OR9A4: variants seen among roughly 807,000 people sequenced by gnomAD.
OR9A4 encodes the protein olfactory receptor family 9 subfamily A member 4, also known as olfactory receptor 9A4.
In OR9A4, 16 loss-of-function variants were observed where a neutral mutation model predicts 17.1. The observed-to-expected ratio is 0.94, with a 90% confidence interval of 0.64 to 1.43. The LOEUF is 1.43. Ranked by LOEUF, OR9A4 falls within the 40% of genes most tolerant of loss-of-function variation. The pLI is 0.00. For missense variants in OR9A4, 392 were observed against 382.1 expected (o/e 1.03, Z -0.22); for synonymous variants, 167 against 143.3 (o/e 1.17, Z -1.18).
At position 141,916,415 on chromosome 7, in the gene OR9A4, G is replaced by C. The variant is rs1802187763; in HGVS notation, c.-252G>C. On this transcript the variant is annotated 5_prime_UTR_variant, in exon 1 of 2. Coordinates refer to ENST00000641559, the MANE Select transcript of OR9A4 (RefSeq NM_001001656.3). ...TAAGGGAGTGAGAGAAGGAAGCAAA[G>C]AGAAGGAGAGAGATAGAGACAGTTG... 6.6e-6 allele frequency: 1 copy of C among 152,282 alleles called. No homozygotes were observed. 9.4% of individuals were successfully genotyped at this position (152,282 alleles called of 1,614,324 possible). A position where few individuals can be genotyped will look rare whatever the true frequency, so the allele number is the denominator to read the frequency against.
intron 1 of OR9A4, among the ~76,000 whole-genome samples, chr7:141,918,262 A>G (rs569954200): frequency 3.9e-5 from 6 of 152,274 alleles, no homozygotes; most frequent in Non-Finnish European, 7.3e-5. Flanking sequence ...GCGCACCAAC[A>G]TGCCCAGCTA....
In OR9A4 at chr7:141,919,640, C is replaced by T. The variant is rs782111706; in HGVS notation, c.765C>T (p.Cys255=). 6.2e-7 allele frequency: 1 copy of T among 1,614,166 alleles called. No individual in the cohort carries two copies. Among genetic ancestry groups the T allele is most frequent in the Non-Finnish European group, 8.5e-7 (1 of 1,180,044 alleles). Residue 255 remains cysteine (C), a synonymous_variant, in exon 2 of 2, where the codon TGC becomes TGT. Transcript: ENST00000641559. ...GTGTTGTGATTGGCTACGGCAGCTG[C>T]TTGTTTCTCTACGTGAAACCCAAGC... ...FTCVVIGYGS[C]LFLYVKPKQT...
chr7:141,919,716 G>T lies in OR9A4; in HGVS notation c.841G>T (p.Val281Leu), dbSNP rs1331826875. 3 of 1,614,182 alleles carry T rather than the reference G, an allele frequency of 1.9e-6. No homozygotes were observed. Among genetic ancestry groups the T allele is most frequent in the Non-Finnish European group, 2.5e-6 (3 of 1,180,030 alleles). The change falls in exon 2 of 2, where the codon GTA becomes TTA. Residue 281 changes from valine to leucine, a missense_variant. Val to Leu is a conservative substitution (Grantham distance 32). Transcript: ENST00000641559. ...NWVVSLMVSV[V>L]TPFLNPFIFT... is the part of the protein sequence containing the mutation. ...GGTAGTTTCCCTGATGGTTTCAGTA[G>T]TAACTCCTTTCCTCAATCCTTTCAT...
intron 1 of OR9A4, among the ~76,000 whole-genome samples, chr7:141,917,756 C>A (rs1802208093): frequency 6.6e-6 from 1 of 152,136 alleles, no homozygotes; most frequent in Admixed American, 6.5e-5. Flanking sequence ...CATCTCATAA[C>A]AAGAGGAATC....
exon 2 of OR9A4, chr7:141,920,615 CT>C (rs10709606): frequency 0.042 from 5,535 of 132,316 alleles, 164 homozygotes; most frequent in South Asian, 0.18. Context: ...CCTTGTGAGC[CT>C]TTTTTTTTTT....
chr7:141,919,539 A>C lies in OR9A4; in HGVS notation c.664A>C (p.Ile222Leu), dbSNP rs782265927. The change falls in exon 2 of 2, where the codon ATC becomes CTC. Residue 222 changes from isoleucine to leucine, a missense_variant. Ile to Leu is a conservative substitution (Grantham distance 5). Coordinates refer to ENST00000641559, the MANE Select transcript of OR9A4 (RefSeq NM_001001656.3). Reference sequence around the variant, plus strand: ...TACAATTGTCTCCAACGCCTACATCATCTCCACCATTCTCAAGATCCCGTC... The same window carrying C: ...TACAATTGTCTCCAACGCCTACATCCTCTCCACCATTCTCAAGATCCCGTC... Reference protein sequence around the residue: ...IPTIVSNAYIISTILKIPSSS... With the variant: ...IPTIVSNAYILSTILKIPSSS... 1 of 1,613,982 alleles carries C rather than the reference A, an allele frequency of 6.2e-7. No homozygotes were observed. The highest frequency in any genetic ancestry group is 2.2e-5 in the East Asian group (1 of 44,860).
At position 141,919,695 on chromosome 7, in the gene OR9A4, G is replaced by C; in HGVS notation, c.820G>C (p.Val274Leu). ...QTQAADYNWV[V>L]SLMVSVVTPF... is the part of the protein sequence containing the mutation. ...GCAGGCAGCTGATTACAATTGGGTA[G>C]TTTCCCTGATGGTTTCAGTAGTAAC... Residue 274 changes from valine to leucine, a missense_variant, in exon 2 of 2, where the codon GTT becomes CTT. Physicochemically the swap from Val to Leu is conservative, Grantham distance 32 (BLOSUM62 1). Transcript: ENST00000641559. 6.2e-7 allele frequency: 1 copy of C among 1,614,170 alleles called. No homozygotes were observed. Among genetic ancestry groups the C allele is most frequent in the South Asian group, 1.1e-5 (1 of 91,082 alleles).
intron 1 of OR9A4, 98 bp from the exon 2 acceptor site, chr7:141,918,748 G>C (rs140142919): frequency 1.5e-6 from 1 of 668,940 alleles, no homozygotes; most frequent in East Asian, 2.5e-5. Flanking sequence ...GTAGAGTCAG[G>C]TTATGGAGTT....
In OR9A4 at chr7:141,919,436, A is replaced by G. The variant is rs1219170871; in HGVS notation, c.561A>G (p.Leu187=). 1.3e-5 allele frequency: 21 copies of G among 1,614,060 alleles called. No homozygotes were observed. The highest frequency in any genetic ancestry group is 3.3e-5 in the Admixed American group (2 of 60,002). ...FFCDRGQLLK[L]SCNNTLFTEF... is the part of the protein sequence containing the mutation. ...GTGACCGAGGGCAATTGCTCAAACT[A>G]TCCTGCAATAATACTCTTTTCACGG... is the stretch of plus-strand genomic sequence containing the variant. Residue 187 remains leucine, a synonymous_variant, in exon 2 of 2, where the codon CTA becomes CTG. Coordinates refer to ENST00000641559, the MANE Select transcript of OR9A4 (RefSeq NM_001001656.3).
chr7:141,919,459 C>T lies in OR9A4; in HGVS notation c.584C>T (p.Thr195Met), dbSNP rs369571264. The T allele has an allele frequency of 1.9e-6, 3 of 1,614,184 alleles. No individual in the cohort carries two copies. The highest frequency in any genetic ancestry group is 1.1e-5 in the South Asian group (1 of 91,088). ...LKLSCNNTLF[T>M]EFILFLMAVF... ...CTATCCTGCAATAATACTCTTTTCACGGAGTTTATCCTCTTCTTAATGGCT... is the reference window on the plus strand; with the variant it reads ...CTATCCTGCAATAATACTCTTTTCATGGAGTTTATCCTCTTCTTAATGGCT... Residue 195 changes from threonine to methionine, a missense_variant, in exon 2 of 2, where the codon ACG (threonine) becomes ATG (methionine). Physicochemically the swap from Thr to Met is moderately conservative, Grantham distance 81. Transcript: ENST00000641559.
rs1466319654 is a variant in OR9A4 at position 141,920,221 on chromosome 7, A to T, written c.*401A>T. On this transcript the variant is annotated 3_prime_UTR_variant, in exon 2 of 2. Transcript: ENST00000641559. ...GGGTACAGGCTTTCTTTTTGAAATG[A>T]TGGTTGTAAATATCTATGAATATAC... 1 of 158,124 alleles carries T rather than the reference A, an allele frequency of 6.3e-6. No individual in the cohort carries two copies. Among genetic ancestry groups the T allele is most frequent in the African/African-American group, 2.4e-5 (1 of 41,642 alleles). The allele number at this position is 158,124 out of a possible 1,614,324, so 9.8% of individuals were successfully genotyped here.
Position 141,919,720 on chromosome 7 carries a change from C to T in OR9A4, c.845C>T (p.Thr282Ile). 3.7e-6 allele frequency: 6 copies of T among 1,614,192 alleles called. No individual in the cohort carries two copies. The highest frequency in any genetic ancestry group is 5.1e-6 in the Non-Finnish European group (6 of 1,180,032). The change falls in exon 2 of 2, where the codon ACT (threonine) becomes ATT (isoleucine). Residue 282 changes from threonine (T) to isoleucine (I), a missense_variant. By Grantham distance (89) the Thr-to-Ile change is moderately conservative. Transcript: ENST00000641559. ...WVVSLMVSVV[T>I]PFLNPFIFTL... ...GTTTCCCTGATGGTTTCAGTAGTAA[C>T]TCCTTTCCTCAATCCTTTCATCTTC...
rs781900588 is a variant in OR9A4 at position 141,919,494 on chromosome 7, C to T, written c.619C>T (p.Leu207Phe). ...CCTCTTCTTAATGGCTGTTTTTGTT[C>T]TCTTTGGTTCTTTGATCCCTACAAT... ...FILFLMAVFV[L>F]FGSLIPTIVS... The change falls in exon 2 of 2, where the codon CTC becomes TTC. Residue 207 changes from leucine to phenylalanine, a missense_variant. Physicochemically the swap from Leu to Phe is conservative, Grantham distance 22. Transcript: ENST00000641559. 8.1e-6 allele frequency: 13 copies of T among 1,613,894 alleles called. No individual in the cohort carries two copies. The highest frequency in any genetic ancestry group is 5.0e-5 in the Admixed American group (3 of 59,984).
rs781805908 is a variant in OR9A4, at chr7:141,919,265, G to A, written c.390G>A (p.Leu130=). The change falls in exon 2 of 2, where the codon CTG becomes CTA. Residue 130 remains leucine (L), a synonymous_variant. Coordinates refer to ENST00000641559, the MANE Select transcript of OR9A4 (RefSeq NM_001001656.3). ...GTTATGTGGCTGTCTGTAACCCTCT[G>A]AGGTACAACATCATTATGAACAGAC... ...VDRYVAVCNP[L]RYNIIMNRHT... 1 of 1,614,114 alleles carries A rather than the reference G, an allele frequency of 6.2e-7. No homozygotes were observed. Among genetic ancestry groups the A allele is most frequent in the South Asian group, 1.1e-5 (1 of 91,074 alleles).
rs2128958760 is a variant in OR9A4 at position 141,919,570 on chromosome 7, C to T, written c.695C>T (p.Ser232Phe). ...ACCATTCTCAAGATCCCGTCATCCT[C>T]TGGCCGGAGGAAATCCTTCTCCACT... is the stretch of plus-strand genomic sequence containing the variant. ...ISTILKIPSS[S>F]GRRKSFSTCA... The change falls in exon 2 of 2, where the codon TCT becomes TTT. Residue 232 changes from serine (S) to phenylalanine (F), a missense_variant. By Grantham distance (155) the Ser-to-Phe change is radical (BLOSUM62 -2). Coordinates refer to ENST00000641559, the MANE Select transcript of OR9A4 (RefSeq NM_001001656.3). The T allele has an allele frequency of 1.2e-6, 2 of 1,614,216 alleles. No individual in the cohort carries two copies. Among genetic ancestry groups the T allele is most frequent in the Non-Finnish European group, 8.5e-7 (1 of 1,180,042 alleles).
In OR9A4 at chr7:141,919,538, C is replaced by T; in HGVS notation, c.663C>T (p.Ile221=). 6.2e-7 allele frequency: 1 copy of T among 1,614,148 alleles called. No individual in the cohort carries two copies. The highest frequency in any genetic ancestry group is 8.5e-7 in the Non-Finnish European group (1 of 1,180,040). ...CTACAATTGTCTCCAACGCCTACATCATCTCCACCATTCTCAAGATCCCGT... is the reference window on the plus strand; with the variant it reads ...CTACAATTGTCTCCAACGCCTACATTATCTCCACCATTCTCAAGATCCCGT... ...LIPTIVSNAY[I]ISTILKIPSS... is the part of the protein sequence containing the mutation. The change falls in exon 2 of 2, where the codon ATC becomes ATT. Residue 221 remains isoleucine (I), a synonymous_variant. Coordinates refer to ENST00000641559, the MANE Select transcript of OR9A4 (RefSeq NM_001001656.3).
At position 141,919,315 on chromosome 7, in the gene OR9A4, T is replaced by G. The variant is rs1272330982; in HGVS notation, c.440T>G (p.Val147Gly). 1.2e-6 allele frequency: 2 copies of G among 1,614,068 alleles called. No homozygotes were observed. Among genetic ancestry groups the G allele is most frequent in the Non-Finnish European group, 1.7e-6 (2 of 1,180,048 alleles). The change falls in exon 2 of 2, where the codon GTG (valine) becomes GGG (glycine). Residue 147 changes from valine to glycine, a missense_variant. Val to Gly is a moderately radical substitution (Grantham distance 109). Coordinates refer to ENST00000641559, the MANE Select transcript of OR9A4 (RefSeq NM_001001656.3). ...CACACCTGCAACTTTGTGGTTCTTG[T>G]GTCATGGGTGTTTGGGTTTCTTTTT... Reference protein sequence around the residue: ...NRHTCNFVVLVSWVFGFLFQI... With the variant: ...NRHTCNFVVLGSWVFGFLFQI...
intron 1 of OR9A4, among the ~76,000 whole-genome samples, chr7:141,917,309 T>G (rs1187914329): frequency 1.3e-5 from 2 of 152,232 alleles, no homozygotes; most frequent in Non-Finnish European, 2.9e-5. Context: ...GTGCCTGTAT[T>G]GTTTTAGAGA....
chr7:141,918,350 C>T (rs1802218031), intron 1 of OR9A4, among the ~76,000 whole-genome samples: 1 of 152,186 alleles, frequency 6.6e-6, no homozygotes, highest in Non-Finnish European at 1.5e-5. Flanking sequence ...GGTGATCCGC[C>T]TGCCTTGGCC....
Sources: gnomAD v4.1 joint callset for allele counts (sites outside exome capture counted in the v4.1 genomes callset) on GRCh38, gnomAD v4.1.1 for gene constraint, MANE v1.5 for transcripts, NCBI Gene and HGNC (gene_info 2026-07-23, HGNC 2026-07-21) for gene names.